Variants in LRPAP1 observed in about 807,000 individuals in gnomAD.
LRPAP1 encodes the protein LDL receptor related protein associated protein 1.
LRPAP1 carries 41 observed loss-of-function variants against 39.9 expected under a neutral mutation model. The ratio of observed to expected loss-of-function variants is 1.03; its 90% CI spans 0.80 to 1.33. The LOEUF (loss-of-function observed/expected upper bound fraction) is 1.33. Ranked by LOEUF, LRPAP1 falls within the 40% of genes most tolerant of loss-of-function variation. LRPAP1 has a pLI of 0.00. For missense variants in LRPAP1, 565 were observed against 482.3 expected, an observed-to-expected ratio of 1.17 and a Z score of -1.61; for synonymous variants, 263 against 212.7, an observed-to-expected ratio of 1.24 and a Z score of -2.06.
At chr4:3,521,557 G>A (rs771494651) in intron 2 of LRPAP1, among the ~76,000 whole-genome samples, 7 of 152,152 alleles carry the variant, frequency 4.6e-5, no homozygotes, top group Admixed American at 2.6e-4. Flanking sequence ...CTTTCTCATC[G>A]ACACCACCCT....
intron 6 of LRPAP1, 51 bp from the exon 7 acceptor site, chr4:3,514,979 C>T (rs762145180): frequency 1.9e-6 from 3 of 1,590,386 alleles, no homozygotes; most frequent in Non-Finnish European, 2.6e-6. Context: ...CTCGCCACGC[C>T]ATCTTGTGGT....
At position 3,530,044 on chromosome 4, in the gene LRPAP1, C is replaced by T. The variant is rs189978481; in HGVS notation, c.204+2165G>A. 4.5e-3 allele frequency among the ~76,000 whole-genome samples: 681 copies of T among 152,316 alleles called. 5 individuals carry two copies. The highest frequency in any genetic ancestry group is 0.015 in the African/African-American group (639 of 41,554). ...AGGGGGCGATCCAAGACCCCGTCTC[C>T]GTCTGATACCTACCTAGAGCGGCGA... is the stretch of plus-strand genomic sequence containing the variant. On this transcript the variant is annotated intron_variant, in intron 1 of 7. Transcript: ENST00000650182.
chr4:3,531,808 T>C (rs1489448194), intron 1 of LRPAP1, among the ~76,000 whole-genome samples: 1 of 152,276 alleles, frequency 6.6e-6, no homozygotes, highest in Non-Finnish European at 1.5e-5. Flanking sequence ...CACGTCTTTC[T>C]ACCCAACATT....
At chr4:3,527,093 C>T (rs1730099855) in intron 1 of LRPAP1, among the ~76,000 whole-genome samples, 1 of 149,200 alleles carries the variant, frequency 6.7e-6, no homozygotes, top group Non-Finnish European at 1.5e-5. Context: ...TTGTCTGGGC[C>T]CTCCTGGTAG....
rs374684768 is a variant in LRPAP1, at chr4:3,519,947, G to A, written c.471+125C>T. On this transcript the variant is annotated intron_variant, in intron 3 of 7. Transcript: ENST00000650182. ...GGAATGGCTTCCTTAGGAAGCCACC[G>A]TCTTCCTGAGACTTTCCCAAACCCC... The A allele has an allele frequency of 2.7e-5, 31 of 1,164,680 alleles. No individual in the cohort carries two copies. The South Asian group carries it at 3.3e-4, about 13-fold the overall frequency. The allele number at this position is 1,164,680 out of a possible 1,614,324, so 72.1% of individuals were successfully genotyped here. A position where few individuals can be genotyped will look rare whatever the true frequency, so the allele number is the denominator to read the frequency against.
rs1023554953 is a variant in LRPAP1, at chr4:3,504,895, C to T, written c.*8079G>A. On this transcript the variant is annotated 3_prime_UTR_variant, in exon 8 of 8. Coordinates refer to ENST00000650182, the MANE Select transcript of LRPAP1 (RefSeq NM_002337.4). ...CTGGGAGGCAGAGGTTGCAGTGAGC[C>T]GAGATCGCACCAACGCACTCCAGCC... Among the ~76,000 whole-genome samples the T allele has an allele frequency of 1.3e-5, 2 of 151,996 alleles. No homozygotes were observed. The highest frequency in any genetic ancestry group is 2.1e-4 in the South Asian group (1 of 4,816).
chr4:3,522,234 G>C (rs947069909), intron 2 of LRPAP1, among the ~76,000 whole-genome samples: 1 of 152,170 alleles, frequency 6.6e-6, no homozygotes, highest in Non-Finnish European at 1.5e-5. Context: ...GGGGAGGGTG[G>C]GCCATGTCCT....
chr4:3,527,998 A>G (rs1442926724), intron 1 of LRPAP1, among the ~76,000 whole-genome samples: 1 of 152,220 alleles, frequency 6.6e-6, no homozygotes, highest in Non-Finnish European at 1.5e-5. Context: ...CACAAAAGCC[A>G]GCTCCCTTTC....
chr4:3,532,035 G>A (rs908821241), intron 1 of LRPAP1, 174 bp downstream of exon 1: 24 of 713,116 alleles, frequency 3.4e-5, no homozygotes, highest in Middle Eastern at 8.2e-4. Flanking sequence ...CTGCAGAAGG[G>A]GTCGGGGCGC....
rs1394729758 is a variant in LRPAP1, at chr4:3,512,609, G to A, written c.*365C>T. On this transcript the variant is annotated 3_prime_UTR_variant, in exon 8 of 8. Transcript: ENST00000650182. ...TCTATTTTTTAAGGACTCTGTGCAT[G>A]GTATTTCCGGTGGCAGATGTGTAAG... is the stretch of plus-strand genomic sequence containing the variant. 6.6e-5 allele frequency: 17 copies of A among 256,428 alleles called. No homozygotes were observed. The highest frequency in any genetic ancestry group is 1.3e-4 in the Non-Finnish European group (17 of 132,406). 15.9% of individuals were successfully genotyped at this position (256,428 alleles called of 1,614,324 possible). A position where few individuals can be genotyped will look rare whatever the true frequency, so the allele number is the denominator to read the frequency against.
chr4:3,528,655 G>A (rs1730149709), intron 1 of LRPAP1, among the ~76,000 whole-genome samples: 1 of 152,242 alleles, frequency 6.6e-6, no homozygotes, highest in South Asian at 2.1e-4. Context: ...CACCCACCAT[G>A]AGGAGCAGGC....
intron 7 of LRPAP1, among the ~76,000 whole-genome samples, chr4:3,514,261 T>G (rs1729623882): frequency 6.6e-6 from 1 of 152,252 alleles, no homozygotes; most frequent in South Asian, 2.1e-4. Context: ...CAGATGGGGC[T>G]CCTGAGCCCC....
intron 2 of LRPAP1, among the ~76,000 whole-genome samples, chr4:3,523,719 A>C (rs933925669): frequency 6.6e-6 from 1 of 152,092 alleles, no homozygotes; most frequent in African/African-American, 2.4e-5. Context: ...TCTTTACCAG[A>C]GACAACCCGG....
At chr4:3,524,223 C>G (rs936943527) in intron 2 of LRPAP1, among the ~76,000 whole-genome samples, 2 of 152,174 alleles carry the variant, frequency 1.3e-5, no homozygotes, top group African/African-American at 4.8e-5. Flanking sequence ...AGTCGCAACT[C>G]TGTCATTTAA....
intron 3 of LRPAP1, 141 bp downstream of exon 3, chr4:3,519,931 T>C: frequency 2.1e-6 from 2 of 936,670 alleles, no homozygotes; most frequent in Non-Finnish European, 3.1e-6. Context: ...TGGAATGGCT[T>C]CCTTAGGAAG....
intron 7 of LRPAP1, among the ~76,000 whole-genome samples, chr4:3,514,096 C>A (rs1201078126): frequency 6.6e-6 from 1 of 152,276 alleles, no homozygotes; most frequent in Non-Finnish European, 1.5e-5. Context: ...TGAGCTCCTG[C>A]CCACGGGCAA....
intron 1 of LRPAP1, among the ~76,000 whole-genome samples, chr4:3,525,651 G>C (rs1052374658): frequency 1.3e-5 from 2 of 152,068 alleles, no homozygotes; most frequent in South Asian, 2.1e-4. Context: ...CAGCGCCCCG[G>C]AACGAGCTGC....
At chr4:3,517,573 T>C (rs1407054780) in intron 5 of LRPAP1, 1 of 154,740 alleles carries the variant, frequency 6.5e-6, no homozygotes, top group Non-Finnish European at 1.4e-5. Flanking sequence ...GGGCCTGCAG[T>C]GGAGGGAGAT....
At position 3,509,049 on chromosome 4, in the gene LRPAP1, T is replaced by A. The variant is rs1729436315; in HGVS notation, c.*3925A>T. 6.6e-6 allele frequency: 1 copy of A among 152,168 alleles called. No homozygotes were observed. Among genetic ancestry groups the A allele is most frequent in the Non-Finnish European group, 1.5e-5 (1 of 68,042 alleles). The allele number at this position is 152,168 out of a possible 1,614,324, so 9.4% of individuals were successfully genotyped here. A position where few individuals can be genotyped will look rare whatever the true frequency, so the allele number is the denominator to read the frequency against. On this transcript the variant is annotated 3_prime_UTR_variant, in exon 8 of 8. Transcript: ENST00000650182. ...ACAGGATTAAAGCACCACGCACAGG[T>A]GACAAATGAAATAAAAATACACAGT...
Sources: allele counts gnomAD v4.1 joint callset (sites outside exome capture counted in the v4.1 genomes callset), GRCh38; gene constraint gnomAD v4.1.1; transcripts MANE v1.5; gene names NCBI Gene and HGNC (gene_info 2026-07-23, HGNC 2026-07-21).